The following ZDHHC6 variants were observed in gnomAD, a reference collection of about 807,000 sequenced individuals.
The protein encoded by ZDHHC6 is palmitoyltransferase ZDHHC6.
Under a neutral mutation model 57.8 loss-of-function variants are expected in ZDHHC6, and 32 were observed. That is an observed-to-expected ratio of 0.55 (90% confidence interval 0.42 to 0.74). The LOEUF is 0.74. Ranked by LOEUF, ZDHHC6 falls within the 30% of genes least tolerant of loss-of-function variation. The pLI, the probability that ZDHHC6 is intolerant of heterozygous loss-of-function variation, is 0.00. For missense variants in ZDHHC6, 433 were observed against 500.7 expected, an observed-to-expected ratio of 0.86 and a Z score of 1.29; for synonymous variants, 128 against 158.0, an observed-to-expected ratio of 0.81 and a Z score of 1.42.
rs1049806280 is a variant in ZDHHC6, at chr10:112,440,412, A to G, written c.681+122T>C. The G allele has an allele frequency of 9.6e-6, 11 of 1,149,986 alleles. No individual in the cohort carries two copies. In the African/African-American group the frequency reaches 1.7e-4, roughly 18 times the overall value. 71.2% of individuals were successfully genotyped at this position (1,149,986 alleles called of 1,614,324 possible). The stretch of plus-strand genomic sequence containing the variant: ...AATACAAAGGAGATTAGTTACCTAA[A>G]TGAAATAAGCAAAAATAATTTCCAT... On this transcript the variant is annotated intron_variant, in intron 5 of 10. Coordinates refer to ENST00000369405, the MANE Select transcript of ZDHHC6 (RefSeq NM_022494.3).
At chr10:112,447,215 G>T, upstream of ZDHHC6, 1 of 660,484 alleles carries the variant, frequency 1.5e-6, no homozygotes, top group South Asian at 2.4e-5. Flanking sequence ...AGATTGCGAC[G>T]AACAACCAGG....
Position 112,430,898 on chromosome 10 carries a change from C to T in ZDHHC6, c.1148G>A (p.Arg383Lys). The T allele has an allele frequency of 3.7e-6, 6 of 1,613,374 alleles. No individual in the cohort carries two copies. Among genetic ancestry groups the T allele is most frequent in the East Asian group, 2.2e-5 (1 of 44,848 alleles). The change falls in exon 11 of 11, where the codon AGA (arginine) becomes AAA (lysine). Residue 383 changes from arginine (R) to lysine (K), a missense_variant. Transcript: ENST00000369405. ...LDDSFIEGVSRIRGWFPRKCV... is the reference protein window; with the variant it reads ...LDDSFIEGVSKIRGWFPRKCV... The stretch of plus-strand genomic sequence containing the variant: ...TTTTCTAGGGAACCAACCCCTTATT[C>T]TTGAAACACCTGAGGGAGAAAATGA...
At position 112,430,847 on chromosome 10, in the gene ZDHHC6, G is replaced by C. The variant is rs754954910; in HGVS notation, c.1199C>G (p.Ala400Gly). The C allele has an allele frequency of 1.9e-6, 3 of 1,613,910 alleles. No homozygotes were observed. Among genetic ancestry groups the C allele is most frequent in the Admixed American group, 1.7e-5 (1 of 60,002 alleles). The change falls in exon 11 of 11, where the codon GCT (alanine) becomes GGT (glycine). Residue 400 changes from alanine (A) to glycine (G), a missense_variant. By Grantham distance (60) the Ala-to-Gly change is moderately conservative (BLOSUM62 0). Transcript: ENST00000369405. ...RKCVEKCPCD[A>G]ETDQAPEGEK... ...CCCCTCTGGGGCTTGATCTGTTTCAGCATCACAGGGACACTTTTCCACACA... is the reference window on the plus strand; with the variant it reads ...CCCCTCTGGGGCTTGATCTGTTTCACCATCACAGGGACACTTTTCCACACA...
At chr10:112,426,923 T>A, downstream of ZDHHC6, 1 of 1,311,184 alleles carries the variant, frequency 7.6e-7, no homozygotes, top group Non-Finnish European at 1.1e-6. Flanking sequence ...AGTTTCCATC[T>A]AATGAGGTTT....
intron 5 of ZDHHC6, 45 bp downstream of exon 5, chr10:112,440,489 C>T (rs1364524752): frequency 1.9e-6 from 3 of 1,576,296 alleles, no homozygotes; most frequent in Admixed American, 3.5e-5. Flanking sequence ...TGCAATCAGT[C>T]CCAACAACTT....
rs1846582192 is a variant in ZDHHC6 at position 112,445,552 on chromosome 10, C to T, written c.-116G>A. ...GTTCTTTAATTGTCATGCCTTCAAGCTGTGAACTGTTAACGCAGATTACAC... is the reference window on the plus strand; with the variant it reads ...GTTCTTTAATTGTCATGCCTTCAAGTTGTGAACTGTTAACGCAGATTACAC... On this transcript the variant is annotated 5_prime_UTR_variant, in exon 2 of 11. Transcript: ENST00000369405. The T allele has an allele frequency of 8.2e-7, 1 of 1,221,348 alleles. No individual in the cohort carries two copies. The highest frequency in any genetic ancestry group is 1.1e-6 in the Non-Finnish European group (1 of 888,496). 75.7% of individuals were successfully genotyped at this position (1,221,348 alleles called of 1,614,324 possible).
chr10:112,432,545 C>A (rs1473157197), intron 8 of ZDHHC6, 24 bp from the exon 9 acceptor site: 1 of 1,598,234 alleles, frequency 6.3e-7, no homozygotes, highest in Admixed American at 1.8e-5. Flanking sequence ...TCAGAAGAAA[C>A]CTTTAAATAT....
chr10:112,447,253 G>C, upstream of ZDHHC6: 1 of 1,055,312 alleles, frequency 9.5e-7, no homozygotes, highest in Non-Finnish European at 1.4e-6. Flanking sequence ...GCTGTCCCCG[G>C]TTCTCCGTTC....
intron 3 of ZDHHC6, among the ~76,000 whole-genome samples, 161 bp from the exon 4 acceptor site, chr10:112,442,512 A>C (rs1564767478): frequency 6.6e-6 from 1 of 152,214 alleles, no homozygotes; most frequent in Non-Finnish European, 1.5e-5. Flanking sequence ...TGAGCTTTTA[A>C]ACAATTAAGT....
intron 10 of ZDHHC6, among the ~76,000 whole-genome samples, chr10:112,431,975 G>A (rs528039254): frequency 1.5e-4 from 23 of 152,270 alleles, no homozygotes; most frequent in South Asian, 1.2e-3. Context: ...GTATTTTGGG[G>A]ACTTCTACAC....
rs1846197826 is a variant in ZDHHC6 at position 112,442,362 on chromosome 10, A to G, written c.360-11T>C. On this transcript the variant is annotated splice_polypyrimidine_tract_variant and intron_variant, in intron 3 of 10. Coordinates refer to ENST00000369405, the MANE Select transcript of ZDHHC6 (RefSeq NM_022494.3). The stretch of plus-strand genomic sequence containing the variant: ...ATCTTCATCACACATCTAACAAGAA[A>G]AATTTACATAAAACATGAGGCAGAA... 1 of 1,597,804 alleles carries G rather than the reference A, an allele frequency of 6.3e-7. No homozygotes were observed. Among genetic ancestry groups the G allele is most frequent in the Non-Finnish European group, 8.5e-7 (1 of 1,174,508 alleles).
At chr10:112,446,925 C>T (rs2277205), upstream of ZDHHC6, 19,336 of 206,582 alleles carry the variant, frequency 0.094, 1,101 homozygotes, top group East Asian at 0.16. Flanking sequence ...CCCGCTCAGG[C>T]CCCCTGCGCA....
downstream of ZDHHC6, chr10:112,425,344 ACT>A (rs1844627418): frequency 1.2e-6 from 2 of 1,612,024 alleles, no homozygotes; most frequent in Admixed American, 3.3e-5. Flanking sequence ...GTAGAATGGA[ACT>A]CTGAAGATCA....
chr10:112,431,036 A>G, intron 10 of ZDHHC6, 129 bp from the exon 11 acceptor site: 1 of 728,324 alleles, frequency 1.4e-6, no homozygotes, highest in Non-Finnish European at 2.3e-6. Context: ...TTTGCTATCT[A>G]TTATAAGCAC....
chr10:112,447,366 G>A (rs769226433), upstream of ZDHHC6: 1 of 1,612,384 alleles, frequency 6.2e-7, no homozygotes, highest in Non-Finnish European at 8.5e-7. Context: ...ACTCGTTCCG[G>A]AGCCGCCATG....
downstream of ZDHHC6, chr10:112,426,756 G>C (rs1366056728): frequency 6.3e-7 from 1 of 1,599,570 alleles, no homozygotes. Context: ...TTTTGAAACA[G>C]CCATGCTTTA....
At chr10:112,430,937 T>C (rs763260289) in intron 10 of ZDHHC6, 30 bp from the exon 11 acceptor site, 59 of 1,566,608 alleles carry the variant, frequency 3.8e-5, no homozygotes, top group Non-Finnish European at 5.0e-5. Context: ...TGAGGTGAAA[T>C]AGTCTGATGG....
In ZDHHC6 at chr10:112,445,642, A is replaced by C; in HGVS notation, c.-206T>G. 1 of 593,914 alleles carries C rather than the reference A, an allele frequency of 1.7e-6. No homozygotes were observed. Among genetic ancestry groups the C allele is most frequent in the Non-Finnish European group, 2.8e-6 (1 of 352,952 alleles). 36.8% of individuals were successfully genotyped at this position (593,914 alleles called of 1,614,324 possible). ...TAGGAGAATCCAGTGTCTTGGTCTG[A>C]AACCCAACCTAAAGAAAACAAAATG... On this transcript the variant is annotated 5_prime_UTR_variant, in exon 2 of 11. Transcript: ENST00000369405.
In ZDHHC6 at chr10:112,430,901, G is replaced by C. The variant is rs903684613; in HGVS notation, c.1145C>G (p.Ser382Ter). The change falls in exon 11 of 11, where the codon TCA becomes TGA. Residue 382 changes from serine (S) to a stop codon, truncating the protein, a stop_gained. Coordinates refer to ENST00000369405, the MANE Select transcript of ZDHHC6 (RefSeq NM_022494.3). LOFTEE classifies it high-confidence loss of function. ...TCTAGGGAACCAACCCCTTATTCTT[G>C]AAACACCTGAGGGAGAAAATGAAAT... ...ILDDSFIEGV[S>*]RIRGWFPRKC... 2.4e-5 allele frequency: 39 copies of C among 1,612,958 alleles called. No individual in the cohort carries two copies. The highest frequency in any genetic ancestry group is 3.3e-5 in the Non-Finnish European group (39 of 1,179,520).
Sources: gnomAD v4.1 joint callset for allele counts (sites outside exome capture counted in the v4.1 genomes callset) on GRCh38, gnomAD v4.1.1 for gene constraint, MANE v1.5 for transcripts, NCBI Gene and HGNC (gene_info 2026-07-23, HGNC 2026-07-21) for gene names.